The following FRMD5 variants were observed in gnomAD, a reference collection of about 807,000 sequenced individuals.
FRMD5 encodes FERM domain containing 5, also known as FERM domain-containing protein 5.
FRMD5 carries 20 observed loss-of-function variants against 69.0 expected under a neutral mutation model. That is an observed-to-expected ratio of 0.29 (90% CI 0.20 to 0.42). The LOEUF (loss-of-function observed/expected upper bound fraction) is 0.42, where lower values mean the gene tolerates loss of function less well. Among genes scored for constraint, FRMD5 ranks in the 10% least tolerant of loss-of-function variants. The probability of loss-of-function intolerance (pLI) is 1.00; values close to 1 mark genes in which losing one functional copy is unlikely to be tolerated. For missense variants in FRMD5, 595 were observed against 708.6 expected (o/e 0.84, Z 1.82); for synonymous variants, 271 against 260.1 (o/e 1.04, Z -0.40).
chr15:44,087,737 TATCATCATCATCATC>T (rs61525802), intron 1 of FRMD5, among the ~76,000 whole-genome samples: 38 of 148,292 alleles, frequency 2.6e-4, no homozygotes, highest in African/African-American at 7.5e-4. Context: ...TATCAGCTGC[TATCATCATCATCATC>T]ATCATCATCA....
intron 1 of FRMD5, among the ~76,000 whole-genome samples, chr15:44,095,725 C>T (rs1337873356): frequency 1.3e-5 from 2 of 152,168 alleles, no homozygotes; most frequent in African/African-American, 2.4e-5. Context: ...ACTTTATTCC[C>T]TCCTGGCATG....
intron 13 of FRMD5, among the ~76,000 whole-genome samples, chr15:43,881,901 G>T (rs28413881): frequency 0.18 from 26,928 of 152,098 alleles, 3,600 homozygotes; most frequent in African/African-American, 0.37. Context: ...CAGAGTGATA[G>T]CCTTCCTAAC....
chr15:43,961,834 G>T (rs2090206618), intron 1 of FRMD5, among the ~76,000 whole-genome samples: 1 of 152,072 alleles, frequency 6.6e-6, no homozygotes, highest in Admixed American at 6.6e-5. Context: ...TGCAGAAAAG[G>T]CCTTTGACAA....
At chr15:44,179,346 GTC>G (rs1228916441) in intron 1 of FRMD5, among the ~76,000 whole-genome samples, 4 of 152,118 alleles carry the variant, frequency 2.6e-5, no homozygotes, top group Non-Finnish European at 5.9e-5. Flanking sequence ...GTTTTCCAAA[GTC>G]TCTGATCCTA....
chr15:43,952,032 G>C (rs980333010), intron 1 of FRMD5, among the ~76,000 whole-genome samples: 3 of 148,900 alleles, frequency 2.0e-5, no homozygotes, highest in East Asian at 1.9e-4. Flanking sequence ...GTGTGTGTGT[G>C]TGTGTGTGTT....
At chr15:43,884,689 A>T (rs751439528) in intron 12 of FRMD5, 38 bp downstream of exon 12, 26 of 1,584,048 alleles carry the variant, frequency 1.6e-5, no homozygotes, top group Middle Eastern at 3.3e-4. Flanking sequence ...CTGGGATCTG[A>T]GCTACAACTG....
chr15:44,050,004 T>A (rs911559997), intron 1 of FRMD5, among the ~76,000 whole-genome samples: 1 of 152,196 alleles, frequency 6.6e-6, no homozygotes, highest in African/African-American at 2.4e-5. Context: ...TATGTACAAG[T>A]AACCTTCCTG....
In FRMD5 at chr15:43,873,569, A is replaced by AATAAT. The variant is rs1325166193; in HGVS notation, c.*311_*315dup. 11 of 1,403,880 alleles carry AATAAT rather than the reference A, an allele frequency of 7.8e-6. No homozygotes were observed. The East Asian group carries it at 1.2e-4, about 15-fold the overall frequency. 87.0% of individuals were successfully genotyped at this position (1,403,880 alleles called of 1,614,324 possible). ...AAATTATTTTTATTTGATACTTCAA[A>AATAAT]ATAATATACATCTATGAAAAATCAA... On this transcript the variant is annotated 3_prime_UTR_variant, in exon 14 of 14. Coordinates refer to ENST00000417257, the MANE Select transcript of FRMD5 (RefSeq NM_032892.5).
At chr15:44,068,607 G>C (rs1893407815) in intron 1 of FRMD5, among the ~76,000 whole-genome samples, 1 of 152,150 alleles carries the variant, frequency 6.6e-6, no homozygotes, top group Admixed American at 6.5e-5. Flanking sequence ...AAATGGGAGA[G>C]TGCAGAGTGA....
At chr15:44,172,860 T>C (rs2077828382) in intron 1 of FRMD5, among the ~76,000 whole-genome samples, 1 of 152,202 alleles carries the variant, frequency 6.6e-6, no homozygotes, top group African/African-American at 2.4e-5. Context: ...AACACTAAAA[T>C]TGACAACCTT....
chr15:44,077,335 ATTTG>A (rs1220545920), intron 1 of FRMD5, among the ~76,000 whole-genome samples: 1 of 152,104 alleles, frequency 6.6e-6, no homozygotes, highest in Non-Finnish European at 1.5e-5. Context: ...TAGCTTGAGG[ATTTG>A]TTTGTTTCTG....
In FRMD5 at chr15:43,884,973, A is replaced by C. The variant is rs536705420; in HGVS notation, c.960-178T>G. The stretch of plus-strand genomic sequence containing the variant: ...TGGTGGGGTAGACTTCTAAACTGTC[A>C]TGACAGCCTATCTGAGAGAACTCTC... On this transcript the variant is annotated intron_variant, in intron 11 of 13. Transcript: ENST00000417257. 1,121 of 563,140 alleles carry C rather than the reference A, an allele frequency of 2.0e-3. 32 individuals are homozygous for C. The South Asian group carries it at 0.026, about 13-fold the overall frequency. 34.9% of individuals were successfully genotyped at this position (563,140 alleles called of 1,614,324 possible).
chr15:44,024,763 G>C (rs985515836), intron 1 of FRMD5, among the ~76,000 whole-genome samples: 34 of 152,100 alleles, frequency 2.2e-4, no homozygotes, highest in African/African-American at 8.0e-4. Context: ...TTTATAGTAA[G>C]CATGGGTTTT....
intron 1 of FRMD5, among the ~76,000 whole-genome samples, chr15:44,054,048 C>T (rs1892772158): frequency 6.6e-6 from 1 of 152,132 alleles, no homozygotes; most frequent in Non-Finnish European, 1.5e-5. Flanking sequence ...TGAAATTGTG[C>T]ATTTTATAAA....
chr15:44,197,080 G>A (rs1353557255), upstream of FRMD5, among the ~76,000 whole-genome samples: 1 of 151,682 alleles, frequency 6.6e-6, no homozygotes, highest in Non-Finnish European at 1.5e-5. Flanking sequence ...ATGCGCCCGT[G>A]GTCCCAGCTA....
intron 1 of FRMD5, among the ~76,000 whole-genome samples, chr15:44,018,476 T>C (rs1566901762): frequency 6.6e-6 from 1 of 152,194 alleles, no homozygotes; most frequent in South Asian, 2.1e-4. Flanking sequence ...GGAAATCTGA[T>C]AGGGGCCTTT....
At position 44,136,974 on chromosome 15, in the gene FRMD5, A is replaced by G. The variant is rs200600619; in HGVS notation, c.102+57979T>C. 5.3e-5 allele frequency among the ~76,000 whole-genome samples: 8 copies of G among 152,342 alleles called. No individual in the cohort carries two copies. The East Asian group carries it at 1.5e-3, about 29-fold the overall frequency. On this transcript the variant is annotated intron_variant, in intron 1 of 13. Transcript: ENST00000417257. ...TTAAAAAAGGAAAATTATAGCTGCC[A>G]TATTAGTTAGAGTTCAATTGCAGGT...
At position 43,888,291 on chromosome 15, in the gene FRMD5, G is replaced by A. The variant is rs754692372; in HGVS notation, c.793-25C>T. 79 of 1,501,510 alleles carry A rather than the reference G, an allele frequency of 5.3e-5. No homozygotes were observed. In the South Asian group the frequency reaches 7.8e-4, roughly 15 times the overall value. The allele number at this position is 1,501,510 out of a possible 1,614,324, so 93.0% of individuals were successfully genotyped here. A position where few individuals can be genotyped will look rare whatever the true frequency, so the allele number is the denominator to read the frequency against. On this transcript the variant is annotated intron_variant, in intron 9 of 13. Coordinates refer to ENST00000417257, the MANE Select transcript of FRMD5 (RefSeq NM_032892.5). ...CCTGCAAAAAATTCCACATTGATAT[G>A]GCTGAGTGTGGATGGAGAAGCAAAG...
At chr15:43,981,947 GCT>G (rs1374634502) in intron 1 of FRMD5, among the ~76,000 whole-genome samples, 1 of 152,156 alleles carries the variant, frequency 6.6e-6, no homozygotes, top group Non-Finnish European at 1.5e-5. Flanking sequence ...TATTTGATTA[GCT>G]CTGTCATAAA....
Sources: allele counts gnomAD v4.1 joint callset (sites outside exome capture counted in the v4.1 genomes callset), GRCh38; gene constraint gnomAD v4.1.1; transcripts MANE v1.5; gene names NCBI Gene and HGNC (gene_info 2026-07-23, HGNC 2026-07-21).